Variants in CNOT6L observed in about 807,000 individuals in gnomAD.
The protein encoded by CNOT6L is CCR4-NOT transcription complex subunit 6-like.
CNOT6L carries 7 observed loss-of-function variants against 64.0 expected under a neutral mutation model. The ratio of observed to expected loss-of-function variants is 0.11; its 90% confidence interval spans 0.06 to 0.21. CNOT6L has a LOEUF of 0.21. Among genes scored for constraint, CNOT6L ranks in the 10% least tolerant of loss-of-function variants. The probability of loss-of-function intolerance (pLI) is 1.00; values close to 1 mark genes in which losing one functional copy is unlikely to be tolerated. For synonymous variants in CNOT6L, 193 were observed against 243.4 expected (o/e 0.79, Z 1.93); for missense variants, 245 against 669.0 (o/e 0.37, Z 6.99).
At chr4:77,811,246 A>G (rs1234973470) in intron 1 of CNOT6L, among the ~76,000 whole-genome samples, 3 of 152,188 alleles carry the variant, frequency 2.0e-5, no homozygotes, top group Non-Finnish European at 4.4e-5. Context: ...ACTGATGGGA[A>G]GATGATTAAA....
At chr4:77,743,340 A>G (rs35349723) in intron 7 of CNOT6L, among the ~76,000 whole-genome samples, 1 of 152,108 alleles carries the variant, frequency 6.6e-6, no homozygotes, top group Non-Finnish European at 1.5e-5. Context: ...TGTTATCACT[A>G]CAAATACTAA....
chr4:77,784,794 T>G (rs1186864474), intron 1 of CNOT6L, among the ~76,000 whole-genome samples: 2 of 152,182 alleles, frequency 1.3e-5, no homozygotes, highest in Non-Finnish European at 2.9e-5. Flanking sequence ...TTCTTTCCAC[T>G]TTTTTGATTT....
chr4:77,763,994 C>T (rs1726530087), intron 4 of CNOT6L, among the ~76,000 whole-genome samples: 1 of 152,208 alleles, frequency 6.6e-6, no homozygotes, highest in Non-Finnish European at 1.5e-5. Flanking sequence ...ACAGGCAAAG[C>T]TGTAGCCTTA....
intron 2 of CNOT6L, among the ~76,000 whole-genome samples, 157 bp from the exon 3 acceptor site, chr4:77,774,873 A>G (rs1727986807): frequency 6.6e-6 from 1 of 152,326 alleles, no homozygotes; most frequent in African/African-American, 2.4e-5. Flanking sequence ...GATTGCTTCC[A>G]AACACACCTG....
chr4:77,729,093 C>G lies in CNOT6L; in HGVS notation c.1025-12G>C. On this transcript the variant is annotated splice_polypyrimidine_tract_variant and intron_variant, in intron 9 of 11. Transcript: ENST00000504123. ...AATAGGCTTCATACCTAAATTTAAA[C>G]ATTACAAAAAGAAGACAAAGTTATG... The G allele has an allele frequency of 6.3e-7, 1 of 1,597,150 alleles. No homozygotes were observed.
At chr4:77,809,042 A>T (rs1017551712) in intron 1 of CNOT6L, among the ~76,000 whole-genome samples, 7 of 152,130 alleles carry the variant, frequency 4.6e-5, no homozygotes, top group African/African-American at 9.7e-5. Flanking sequence ...TAGTGTCCTA[A>T]ATACTTTACA....
intron 1 of CNOT6L, among the ~76,000 whole-genome samples, chr4:77,790,049 GCTCTGCCTATTTATCATTCC>G (rs2110106296): frequency 6.7e-6 from 1 of 150,098 alleles, no homozygotes; most frequent in African/African-American, 2.5e-5. Flanking sequence ...AATCCTCTGT[GCTCTGCCTATTTATCATTCC>G]CTCTCCCCCT....
At chr4:77,776,885 AGGCTTCT>A (rs1404565987) in intron 1 of CNOT6L, among the ~76,000 whole-genome samples, 1 of 152,220 alleles carries the variant, frequency 6.6e-6, no homozygotes, top group African/African-American at 2.4e-5. Flanking sequence ...TAGGAGAAGC[AGGCTTCT>A]CTCTCCTGCT....
At chr4:77,754,887 G>GAAAAA (rs1725286474) in intron 5 of CNOT6L, among the ~76,000 whole-genome samples, 1 of 12,302 alleles carries the variant, frequency 8.1e-5, no homozygotes, top group African/African-American at 2.7e-4. Context: ...AACATTAGAA[G>GAAAAA]TAAAAAAAAA....
At chr4:77,761,993 C>A (rs1193544242) in intron 4 of CNOT6L, among the ~76,000 whole-genome samples, 1 of 151,962 alleles carries the variant, frequency 6.6e-6, no homozygotes, top group African/African-American at 2.4e-5. Context: ...CATAAAAAAT[C>A]AAGTAAGTAG....
At position 77,759,433 on chromosome 4, in the gene CNOT6L, C is replaced by T. The variant is rs147442215; in HGVS notation, c.401-2482G>A. 1.0e-3 allele frequency among the ~76,000 whole-genome samples: 153 copies of T among 151,932 alleles called. 1 individual carries two copies. Among genetic ancestry groups the T allele is most frequent in the African/African-American group, 3.1e-3 (130 of 41,444 alleles). ...ACAAAAAATTAGCCAGGCGTGGTTG[C>T]GGGCGCTTGTAGTCCCAGCTACTTG... On this transcript the variant is annotated intron_variant, in intron 4 of 11. Transcript: ENST00000504123.
intron 1 of CNOT6L, among the ~76,000 whole-genome samples, chr4:77,801,442 T>A (rs969589742): frequency 2.6e-5 from 4 of 152,194 alleles, no homozygotes; most frequent in African/African-American, 9.7e-5. Context: ...ACCTTCCTCC[T>A]GAGCTAACCA....
At chr4:77,724,455 A>G (rs1721611904) in intron 11 of CNOT6L, among the ~76,000 whole-genome samples, 1 of 152,026 alleles carries the variant, frequency 6.6e-6, no homozygotes, top group African/African-American at 2.4e-5. Flanking sequence ...CATGGGCAAC[A>G]TGGCAAAACC....
At chr4:77,743,309 A>G (rs1056589779) in intron 7 of CNOT6L, among the ~76,000 whole-genome samples, 21 of 152,210 alleles carry the variant, frequency 1.4e-4, no homozygotes, top group African/African-American at 4.3e-4. Context: ...TCAAACTGCT[A>G]TATTTAGGAG....
chr4:77,767,941 T>C (rs993395082), intron 4 of CNOT6L, among the ~76,000 whole-genome samples: 5 of 130,414 alleles, frequency 3.8e-5, no homozygotes, highest in Middle Eastern at 4.0e-3. Flanking sequence ...ATTTGCACCA[T>C]TGTACTCCAG....
intron 1 of CNOT6L, among the ~76,000 whole-genome samples, chr4:77,794,034 C>T (rs1187366032): frequency 2.0e-5 from 3 of 150,334 alleles, no homozygotes; most frequent in Non-Finnish European, 4.4e-5. Context: ...CACCTGTAAT[C>T]CCAGTTACTT....
chr4:77,819,466 G>GAGCGAGGC, upstream of CNOT6L: 1 of 1,477,800 alleles, frequency 6.8e-7, no homozygotes, highest in Non-Finnish European at 9.1e-7. Flanking sequence ...CCCACGGCGG[G>GAGCGAGGC]CCTCGCTCCC....
intron 1 of CNOT6L, among the ~76,000 whole-genome samples, chr4:77,793,619 G>A (rs1730434771): frequency 6.6e-6 from 1 of 152,130 alleles, no homozygotes; most frequent in South Asian, 2.1e-4. Flanking sequence ...CAGGAGAACA[G>A]AGAAAAACTT....
At chr4:77,760,504 A>G (rs1187425041) in intron 4 of CNOT6L, among the ~76,000 whole-genome samples, 1 of 151,974 alleles carries the variant, frequency 6.6e-6, no homozygotes, top group African/African-American at 2.4e-5. Flanking sequence ...TAGAAACAAA[A>G]AGATCTAAAC....
Sources: allele counts gnomAD v4.1 joint callset (sites outside exome capture counted in the v4.1 genomes callset), GRCh38; gene constraint gnomAD v4.1.1; transcripts MANE v1.5; gene names NCBI Gene and HGNC (gene_info 2026-07-23, HGNC 2026-07-21).